SLIT2: variants seen among roughly 807,000 people sequenced by gnomAD.
The protein encoded by SLIT2 is slit guidance ligand 2.
Under a neutral mutation model 185.7 loss-of-function variants are expected in SLIT2, and 41 were observed. The observed-to-expected ratio is 0.22, with a 90% CI of 0.17 to 0.29. SLIT2 has a LOEUF of 0.29. Among genes scored for constraint, SLIT2 ranks in the 10% least tolerant of loss-of-function variants. The pLI is 1.00. For missense variants in SLIT2, 1,571 were observed against 1,909.0 expected (o/e 0.82, Z 3.30); for synonymous variants, 693 against 680.2 (o/e 1.02, Z -0.29).
At chr4:20,453,765 G>A (rs1310498888) in intron 4 of SLIT2, among the ~76,000 whole-genome samples, 1 of 152,182 alleles carries the variant, frequency 6.6e-6, no homozygotes, top group Non-Finnish European at 1.5e-5. Context: ...GGCAAGTCTA[G>A]CATCTGTCAG....
intron 4 of SLIT2, among the ~76,000 whole-genome samples, chr4:20,272,528 G>C (rs944464338): frequency 2.6e-5 from 4 of 152,088 alleles, no homozygotes; most frequent in Non-Finnish European, 4.4e-5. Context: ...AGAGGCTTAA[G>C]AGTAAGTGAT....
chr4:20,436,305 A>G (rs948863721), intron 4 of SLIT2, among the ~76,000 whole-genome samples: 2 of 152,236 alleles, frequency 1.3e-5, no homozygotes, highest in African/African-American at 4.8e-5. Flanking sequence ...CTTGTTAGGC[A>G]AACAGTGCTT....
intron 5 of SLIT2, 56 bp from the exon 6 acceptor site, chr4:20,480,660 C>A (rs1447957038): frequency 7.3e-7 from 1 of 1,373,362 alleles, no homozygotes. Flanking sequence ...CTTCTCATCA[C>A]CTACCCCAGC....
chr4:20,374,159 G>A (rs915109575), intron 4 of SLIT2, among the ~76,000 whole-genome samples: 1 of 152,066 alleles, frequency 6.6e-6, no homozygotes, highest in Non-Finnish European at 1.5e-5. Flanking sequence ...CTTGATGAAG[G>A]TACAGGGAAA....
intron 4 of SLIT2, among the ~76,000 whole-genome samples, chr4:20,431,640 A>T (rs61789429): frequency 2.6e-5 from 4 of 152,234 alleles, no homozygotes; most frequent in Non-Finnish European, 4.4e-5. Flanking sequence ...CATCTTCTAC[A>T]GAGACAGAGA....
chr4:20,430,689 A>G (rs948695141), intron 4 of SLIT2, among the ~76,000 whole-genome samples: 1 of 152,208 alleles, frequency 6.6e-6, no homozygotes, highest in Admixed American at 6.5e-5. Context: ...TCTGCATCCA[A>G]TAACACATTG....
chr4:20,540,540 A>G lies in SLIT2; in HGVS notation c.1977-913A>G, dbSNP rs562016865. 1.6e-3 allele frequency among the ~76,000 whole-genome samples: 247 copies of G among 152,160 alleles called. 2 individuals carry two copies. The highest frequency in any genetic ancestry group is 5.7e-3 in the African/African-American group (235 of 41,526). ...AATTTAAAAGTAAAAAAAGCCACAC[A>G]CCTCCAAACAATGTATTTCAGGTCT... On this transcript the variant is annotated intron_variant, in intron 19 of 36. Transcript: ENST00000504154.
intron 35 of SLIT2, 104 bp downstream of exon 35, chr4:20,617,302 G>T: frequency 8.0e-7 from 1 of 1,247,298 alleles, no homozygotes. Flanking sequence ...AGGGAGGGGA[G>T]GGGAGGGGAG....
chr4:20,613,964 C>A (rs1286718554), intron 34 of SLIT2, among the ~76,000 whole-genome samples: 1 of 152,118 alleles, frequency 6.6e-6, no homozygotes, highest in Non-Finnish European at 1.5e-5. Context: ...CTCCACCTCC[C>A]GAGTTCAAGT....
intron 4 of SLIT2, among the ~76,000 whole-genome samples, chr4:20,400,469 T>C (rs922355544): frequency 6.6e-6 from 1 of 151,598 alleles, no homozygotes; most frequent in Non-Finnish European, 1.5e-5. Context: ...TTTACACAAA[T>C]GAGATAGGAA....
rs1721491295 is a variant in SLIT2 at position 20,528,408 on chromosome 4, AAT to A, written c.1463-540_1463-539del. Reference sequence around the variant, plus strand: ...CAGCATGACAAGCTGCTGAGGCTTAAATCAGGATTTTCCTGTCTCTTTCTACA... The same window carrying A: ...CAGCATGACAAGCTGCTGAGGCTTAACAGGATTTTCCTGTCTCTTTCTACA... On this transcript the variant is annotated intron_variant, in intron 15 of 36. Transcript: ENST00000504154. This position sits in a 1 kb window ranked among gnomAD's most constrained non-coding sequence, Gnocchi z 4.2. 1 of 522,344 alleles carries A rather than the reference AAT, an allele frequency of 1.9e-6. No individual in the cohort carries two copies. The highest frequency in any genetic ancestry group is 2.0e-5 in the Admixed American group (1 of 50,016). 32.4% of individuals were successfully genotyped at this position (522,344 alleles called of 1,614,324 possible).
chr4:20,319,251 G>A (rs1718845439), intron 4 of SLIT2, among the ~76,000 whole-genome samples: 1 of 152,130 alleles, frequency 6.6e-6, no homozygotes, highest in African/African-American at 2.4e-5. Flanking sequence ...TTTCTCTTAA[G>A]TAGTTCCTGT....
chr4:20,488,028 AC>A (rs1251604254), intron 7 of SLIT2, among the ~76,000 whole-genome samples: 7 of 152,150 alleles, frequency 4.6e-5, no homozygotes, highest in Non-Finnish European at 5.9e-5. Context: ...GTTTGAGAAA[AC>A]ATAAAAGCCA....
chr4:20,481,318 T>C (rs938832399), intron 6 of SLIT2, among the ~76,000 whole-genome samples: 1 of 152,136 alleles, frequency 6.6e-6, no homozygotes, highest in Non-Finnish European at 1.5e-5. Context: ...CACGCAGACT[T>C]GAATTATAAT....
intron 29 of SLIT2, among the ~76,000 whole-genome samples, chr4:20,577,021 A>G (rs1443648183): frequency 6.6e-6 from 1 of 151,886 alleles, no homozygotes. Flanking sequence ...GCTTATTGAG[A>G]AAATATATTA....
Position 20,618,963 on chromosome 4 carries a change from A to T in SLIT2, c.4544A>T (p.Glu1515Val), listed in dbSNP as rs774001020. Residue 1515 changes from glutamate (E) to valine (V), a missense_variant, in exon 37 of 37, where the codon GAG becomes GTG. This residue lies in a region of SLIT2 where 223 missense variants were observed against 245.2 expected (regional missense o/e 0.91). Transcript: ENST00000504154. ...ECTDGSSFVD[E>V]VEKVVKCGCT... ...ACTGACGGCTCCTCCTTTGTGGACGAGGTTGAGAAAGTGGTGAAGTGCGGC... is the reference window on the plus strand; with the variant it reads ...ACTGACGGCTCCTCCTTTGTGGACGTGGTTGAGAAAGTGGTGAAGTGCGGC... The T allele has an allele frequency of 3.1e-6, 5 of 1,614,088 alleles. No homozygotes were observed. The East Asian group carries it at 8.9e-5, about 29-fold the overall frequency.
intron 4 of SLIT2, among the ~76,000 whole-genome samples, chr4:20,400,468 A>G (rs1726258790): frequency 6.6e-6 from 1 of 151,892 alleles, no homozygotes; most frequent in South Asian, 2.1e-4. Flanking sequence ...GTTTACACAA[A>G]TGAGATAGGA....
At chr4:20,311,951 T>C (rs1342667763) in intron 4 of SLIT2, among the ~76,000 whole-genome samples, 2 of 152,186 alleles carry the variant, frequency 1.3e-5, no homozygotes, top group Non-Finnish European at 2.9e-5. Flanking sequence ...AAGCCACTGG[T>C]TATTTTCAGA....
intron 28 of SLIT2, among the ~76,000 whole-genome samples, 176 bp downstream of exon 28, chr4:20,567,791 C>T (rs1205378220): frequency 1.3e-5 from 2 of 152,062 alleles, no homozygotes; most frequent in African/African-American, 2.4e-5. Flanking sequence ...AATGGAGACA[C>T]TACAGCATTC....
Sources: gnomAD v4.1 joint callset for allele counts (sites outside exome capture counted in the v4.1 genomes callset) on GRCh38, gnomAD v4.1.1 for gene constraint, gnomAD v4.1.1 regional missense constraint, Gnocchi (gnomAD v3.1) non-coding constraint, MANE v1.5 for transcripts, NCBI Gene and HGNC (gene_info 2026-07-23, HGNC 2026-07-21) for gene names.